Variants in CNTFR observed in about 807,000 individuals in gnomAD.
CNTFR encodes the protein ciliary neurotrophic factor receptor.
CNTFR carries 12 observed loss-of-function variants against 40.4 expected under a neutral mutation model. The ratio of observed to expected loss-of-function variants is 0.30; its 90% CI spans 0.19 to 0.48. The LOEUF (loss-of-function observed/expected upper bound fraction) is 0.48, where lower values mean the gene tolerates loss of function less well. Among genes scored for constraint, CNTFR ranks in the 20% least tolerant of loss-of-function variants. The pLI, the probability that CNTFR is intolerant of heterozygous loss-of-function variation, is 0.99. For missense variants in CNTFR, 414 were observed against 506.8 expected (o/e 0.82, Z 1.76); for synonymous variants, 202 against 209.6 (o/e 0.96, Z 0.31).
rs1472374484 is a variant in CNTFR at position 34,551,796 on chromosome 9, G to A, written c.*275C>T. The stretch of plus-strand genomic sequence containing the variant: ...AGGGCTCCTGGGAGTCGCTGGCATT[G>A]GAGGGTCCAGCCCAAGGGGCCAGGG... On this transcript the variant is annotated 3_prime_UTR_variant, in exon 10 of 10. Coordinates refer to ENST00000378980, the MANE Select transcript of CNTFR (RefSeq NM_147164.3). 2 of 597,852 alleles carry A rather than the reference G, an allele frequency of 3.3e-6. No homozygotes were observed. Among genetic ancestry groups the A allele is most frequent in the East Asian group, 2.8e-5 (1 of 35,896 alleles). The allele number at this position is 597,852 out of a possible 1,614,324, so 37.0% of individuals were successfully genotyped here.
rs1476872601 is a variant in CNTFR at position 34,552,798 on chromosome 9, C to T, written c.825G>A (p.Glu275=). 1 of 1,613,770 alleles carries T rather than the reference C, an allele frequency of 6.2e-7. No homozygotes were observed. Among genetic ancestry groups the T allele is most frequent in the East Asian group, 2.2e-5 (1 of 44,882 alleles). ...CCTTGGCTGCCACCTGGATAATGTACTCCTTCCCGGCGTAGGCATCTGTGA... is the reference window on the plus strand; with the variant it reads ...CCTTGGCTGCCACCTGGATAATGTATTCCTTCCCGGCGTAGGCATCTGTGA... ...HTITDAYAGK[E]YIIQVAAKDN... is the part of the protein sequence containing the mutation. The change falls in exon 8 of 10, where the codon GAG becomes GAA. Residue 275 remains glutamate, a synonymous_variant. Transcript: ENST00000378980. This position sits in a 1 kb window ranked among gnomAD's most constrained non-coding sequence, Gnocchi z 5.1.
intron 4 of CNTFR, among the ~76,000 whole-genome samples, chr9:34,562,429 C>CA (rs988060649): frequency 9.2e-5 from 14 of 151,730 alleles, no homozygotes; most frequent in African/African-American, 3.1e-4. Context: ...AAACAATAAC[C>CA]AAAAAAAAGG....
Position 34,552,037 on chromosome 9 carries a change from C to G in CNTFR, c.*34G>C, listed in dbSNP as rs750426257. 8 of 1,237,044 alleles carry G rather than the reference C, an allele frequency of 6.5e-6. No homozygotes were observed. The highest frequency in any genetic ancestry group is 9.4e-6 in the Non-Finnish European group (8 of 847,458). The allele number at this position is 1,237,044 out of a possible 1,614,324, so 76.6% of individuals were successfully genotyped here. Reference sequence around the variant, plus strand: ...TCAGCTCCGGCCTCCTGCTCCTCTGCAGGTGCTCTGCATGTCCTCATGGGG... The same window carrying G: ...TCAGCTCCGGCCTCCTGCTCCTCTGGAGGTGCTCTGCATGTCCTCATGGGG... On this transcript the variant is annotated 3_prime_UTR_variant, in exon 10 of 10. Transcript: ENST00000378980. The surrounding 1 kb of genome is among the most constrained non-coding windows in gnomAD (Gnocchi z 5.1).
rs1825864587 is a variant in CNTFR, at chr9:34,557,052, G to C, written c.604+474C>G. On this transcript the variant is annotated intron_variant, in intron 6 of 9. Transcript: ENST00000378980. The surrounding 1 kb of genome is among the most constrained non-coding windows in gnomAD (Gnocchi z 4.2). ...CTGGGGCGGGGGAATAGCAGGCAGAGAGCCTGCCTGGAATAGGGCAGGGGC... is the reference window on the plus strand; with the variant it reads ...CTGGGGCGGGGGAATAGCAGGCAGACAGCCTGCCTGGAATAGGGCAGGGGC... Among the ~76,000 whole-genome samples, 1 of 149,894 alleles carries C rather than the reference G, an allele frequency of 6.7e-6. No individual in the cohort carries two copies. The highest frequency in any genetic ancestry group is 1.5e-5 in the Non-Finnish European group (1 of 67,440).
chr9:34,552,786 C>T lies in CNTFR; in HGVS notation c.837G>A (p.Gln279=), dbSNP rs1825690963. The change falls in exon 8 of 10, where the codon CAG becomes CAA. Residue 279 remains glutamine (Q), a synonymous_variant. Coordinates refer to ENST00000378980, the MANE Select transcript of CNTFR (RefSeq NM_147164.3). This position sits in a 1 kb window ranked among gnomAD's most constrained non-coding sequence, Gnocchi z 5.1. The stretch of plus-strand genomic sequence containing the variant: ...CAATCTCATTGTCCTTGGCTGCCAC[C>T]TGGATAATGTACTCCTTCCCGGCGT... The part of the protein sequence containing the change: ...DAYAGKEYII[Q]VAAKDNEIGT... 1 of 1,613,716 alleles carries T rather than the reference C, an allele frequency of 6.2e-7. No individual in the cohort carries two copies. The highest frequency in any genetic ancestry group is 8.5e-7 in the Non-Finnish European group (1 of 1,179,928).
chr9:34,559,728 G>A (rs1207896801), intron 4 of CNTFR, among the ~76,000 whole-genome samples: 1 of 152,072 alleles, frequency 6.6e-6, no homozygotes, highest in Non-Finnish European at 1.5e-5. Flanking sequence ...GGTCGGCCGA[G>A]AAGCCTCCAC....
intron 4 of CNTFR, among the ~76,000 whole-genome samples, chr9:34,564,239 G>C (rs1409638651): frequency 1.3e-5 from 2 of 152,120 alleles, no homozygotes; most frequent in South Asian, 2.1e-4. Flanking sequence ...TGTGGGAGCA[G>C]ACACAGTGAG....
chr9:34,570,280 C>T (rs1414260346), intron 2 of CNTFR, among the ~76,000 whole-genome samples: 1 of 152,074 alleles, frequency 6.6e-6, no homozygotes, highest in Non-Finnish European at 1.5e-5. Context: ...CAGACAAAGC[C>T]AAAGAGACAG....
intron 7 of CNTFR, among the ~76,000 whole-genome samples, chr9:34,554,062 G>A (rs2381162): frequency 0.11 from 17,403 of 152,216 alleles, 1,227 homozygotes; most frequent in Middle Eastern, 0.18. Flanking sequence ...GCCCTGATAC[G>A]GTGGTAAAGG....
Position 34,557,529 on chromosome 9 carries a change from T to A in CNTFR, c.601A>T (p.Ile201Phe), listed in dbSNP as rs746150154. 1.9e-6 allele frequency: 3 copies of A among 1,613,648 alleles called. No individual in the cohort carries two copies. Among genetic ancestry groups the A allele is most frequent in the Non-Finnish European group, 2.5e-6 (3 of 1,179,706 alleles). ...ATAITFDEFT[I>F]VKPDPPENVV... is the part of the protein sequence containing the mutation. The stretch of plus-strand genomic sequence containing the variant: ...TCCCCCCAACCGCCACACGTACCAA[T>A]GGTGAACTCGTCAAAGGTGATAGCT... Residue 201 changes from isoleucine to phenylalanine, a missense_variant, in exon 6 of 10, where the codon ATT (isoleucine) becomes TTT (phenylalanine). By Grantham distance (21) the Ile-to-Phe change is conservative (BLOSUM62 0). This residue lies in a region of CNTFR where 250 missense variants were observed against 269.5 expected (regional missense o/e 0.93). Transcript: ENST00000378980. This position sits in a 1 kb window ranked among gnomAD's most constrained non-coding sequence, Gnocchi z 4.2.
intron 2 of CNTFR, among the ~76,000 whole-genome samples, chr9:34,578,637 T>G (rs531748249): frequency 5.3e-5 from 8 of 152,308 alleles, no homozygotes; most frequent in African/African-American, 1.9e-4. Flanking sequence ...CCAGCTCACT[T>G]TCCCACATTT....
intron 1 of CNTFR, among the ~76,000 whole-genome samples, chr9:34,583,418 C>A (rs1587176930): frequency 6.6e-6 from 1 of 152,238 alleles, no homozygotes; most frequent in South Asian, 2.1e-4. Flanking sequence ...AAGTCTCCAT[C>A]CACAAACTTT....
At chr9:34,572,382 G>T (rs1003179417) in intron 2 of CNTFR, among the ~76,000 whole-genome samples, 1 of 152,122 alleles carries the variant, frequency 6.6e-6, no homozygotes, top group African/African-American at 2.4e-5. Flanking sequence ...ACACCCCATG[G>T]CTCTGAGATA....
Position 34,552,098 on chromosome 9 carries a change from G to A in CNTFR, c.*-27C>T, listed in dbSNP as rs764506250. The stretch of plus-strand genomic sequence containing the variant: ...TGTAGAGACAGGCAGGGGCCTGTCA[G>A]GGAGGGGGCTGGAGTGGGGGTTCCC... On this transcript the variant is annotated intron_variant, in intron 9 of 9. Transcript: ENST00000378980. This position sits in a 1 kb window ranked among gnomAD's most constrained non-coding sequence, Gnocchi z 5.1. The A allele has an allele frequency of 6.0e-5, 96 of 1,591,658 alleles. No individual in the cohort carries two copies. Among genetic ancestry groups the A allele is most frequent in the Non-Finnish European group, 7.9e-5 (92 of 1,165,568 alleles).
At position 34,589,683 on chromosome 9, in the gene CNTFR, A is replaced by AGCCGCCGCCTCCGCTGCCGCC. The variant is rs1827697380; in HGVS notation, c.-261_-241dup. ...CCGAGCCTCGCGCCGCGCCGGCTGG[A>AGCCGCCGCCTCCGCTGCCGCC]GCCGCCGCCTCCGCTGCCGCCGCCG... On this transcript the variant is annotated 5_prime_UTR_variant, in exon 1 of 10. Transcript: ENST00000378980. The surrounding 1 kb of genome is among the most constrained non-coding windows in gnomAD (Gnocchi z 4.4). 2 of 156,826 alleles carry AGCCGCCGCCTCCGCTGCCGCC rather than the reference A, an allele frequency of 1.3e-5. No homozygotes were observed. The highest frequency in any genetic ancestry group is 2.8e-5 in the Non-Finnish European group (2 of 72,474). 9.7% of individuals were successfully genotyped at this position (156,826 alleles called of 1,614,324 possible). A position where few individuals can be genotyped will look rare whatever the true frequency, so the allele number is the denominator to read the frequency against.
intron 2 of CNTFR, among the ~76,000 whole-genome samples, chr9:34,580,503 T>C (rs1218748850): frequency 6.6e-6 from 1 of 152,202 alleles, no homozygotes; most frequent in African/African-American, 2.4e-5. Flanking sequence ...CCAGTCTGTT[T>C]GGGAGCTGAG....
rs534713338 is a variant in CNTFR, at chr9:34,588,873, T to A, written c.-112+682A>T. Among the ~76,000 whole-genome samples the A allele has an allele frequency of 1.4e-4, 21 of 152,104 alleles. No homozygotes were observed. The East Asian group carries it at 3.9e-3, about 28-fold the overall frequency. ...CAGGGACACCCAGACTGGCTCACAC[T>A]GAGCCGCACTGGAGGAGACACACAC... On this transcript the variant is annotated intron_variant, in intron 1 of 9. Transcript: ENST00000378980.
rs746647067 is a variant in CNTFR, at chr9:34,579,920, C to T, written c.-1+1175G>A. 3.3e-5 allele frequency among the ~76,000 whole-genome samples: 5 copies of T among 152,222 alleles called. No individual in the cohort carries two copies. In the South Asian group the frequency reaches 1.0e-3, roughly 32 times the overall value. ...CCCACAGAAGCTGCCTCAGCCTGAGCCCCTGGGGTGTTCTCCAGCTCCCCT... is the reference window on the plus strand; with the variant it reads ...CCCACAGAAGCTGCCTCAGCCTGAGTCCCTGGGGTGTTCTCCAGCTCCCCT... On this transcript the variant is annotated intron_variant, in intron 2 of 9. Coordinates refer to ENST00000378980, the MANE Select transcript of CNTFR (RefSeq NM_147164.3).
At position 34,564,668 on chromosome 9, in the gene CNTFR, T is replaced by G. The variant is rs1826206156; in HGVS notation, c.250A>C (p.Ser84Arg). 5.0e-6 allele frequency: 8 copies of G among 1,613,526 alleles called. No individual in the cohort carries two copies. In the Admixed American group the frequency reaches 1.3e-4, roughly 27 times the overall value. ...LVLHGLELGH[S>R]GLYACFHRDS... ...CGGTGGAAGCAGGCGTAGAGGCCAC[T>G]GTGGCCCAGTTCCAGGCCATGGAGC... Residue 84 changes from serine (S) to arginine (R), a missense_variant, in exon 4 of 10, where the codon AGT becomes CGT. Ser to Arg is a moderately radical substitution (Grantham distance 110, BLOSUM62 -1). Around this residue, in one of 3 missense-constraint regions of CNTFR, gnomAD observed 250 missense variants for 269.5 expected, o/e 0.93. Coordinates refer to ENST00000378980, the MANE Select transcript of CNTFR (RefSeq NM_147164.3).
Sources: gnomAD v4.1 joint callset for allele counts (sites outside exome capture counted in the v4.1 genomes callset) on GRCh38, gnomAD v4.1.1 for gene constraint, gnomAD v4.1.1 regional missense constraint, Gnocchi (gnomAD v3.1) non-coding constraint, MANE v1.5 for transcripts, NCBI Gene and HGNC (gene_info 2026-07-23, HGNC 2026-07-21) for gene names.